NCKAP5: variants seen among roughly 807,000 people sequenced by gnomAD.
The protein encoded by NCKAP5 is NCK associated protein 5.
NCKAP5 carries 92 observed loss-of-function variants against 167.0 expected under a neutral mutation model. That is an observed-to-expected ratio of 0.55 (90% confidence interval 0.47 to 0.66). The LOEUF (loss-of-function observed/expected upper bound fraction) is 0.66. NCKAP5 is among the 30% of genes least tolerant of loss of function. The pLI is 0.00. For missense variants in NCKAP5, 2,378 were observed against 2,315.0 expected, an observed-to-expected ratio of 1.03 and a Z score of -0.56; for synonymous variants, 891 against 877.4, an observed-to-expected ratio of 1.02 and a Z score of -0.27.
At chr2:132,906,397 T>C (rs1694012374) in intron 8 of NCKAP5, among the ~76,000 whole-genome samples, 1 of 152,198 alleles carries the variant, frequency 6.6e-6, no homozygotes, top group Non-Finnish European at 1.5e-5. Flanking sequence ...TGAGAGATTA[T>C]ACTGTAAAGA....
At chr2:132,683,297 A>G (rs1299392755) in intron 19 of NCKAP5, among the ~76,000 whole-genome samples, 1 of 152,204 alleles carries the variant, frequency 6.6e-6, no homozygotes, top group African/African-American at 2.4e-5. Flanking sequence ...TCATTAGCCC[A>G]AATGGATGGA....
intron 8 of NCKAP5, among the ~76,000 whole-genome samples, chr2:132,939,363 GA>G (rs1158655205): frequency 6.6e-6 from 1 of 152,158 alleles, no homozygotes; most frequent in African/African-American, 2.4e-5. Context: ...CACAAGTAAT[GA>G]ATGAAGAACC....
At chr2:133,626,761 T>A in the NCKAP5 span, among the ~76,000 whole-genome samples, 1 of 152,024 alleles carries the variant, frequency 6.6e-6, no homozygotes, top group Non-Finnish European at 1.5e-5. Flanking sequence ...AACAGATAAG[T>A]CTGGGTATTA....
chr2:133,596,421 G>C, the NCKAP5 span: 1 of 152,286 alleles, frequency 6.6e-6, no homozygotes, highest in African/African-American at 2.4e-5. Flanking sequence ...AAGGATGAAG[G>C]TGCAGCACTG....
At chr2:133,516,695 A>G (rs1203212400) in intron 3 of NCKAP5, among the ~76,000 whole-genome samples, 1 of 152,236 alleles carries the variant, frequency 6.6e-6, no homozygotes. Flanking sequence ...CTGAGCATAT[A>G]CAAGTGAATA....
Position 132,865,386 on chromosome 2 carries a change from G to C in NCKAP5, c.687+3550C>G, listed in dbSNP as rs150870888. On this transcript the variant is annotated intron_variant, in intron 10 of 19. Transcript: ENST00000409261. ...TCACTTGAGCCCATTACCAAAGCTA[G>C]TTGACAATCTCAGGATTAAATACTC... Among the ~76,000 whole-genome samples the C allele has an allele frequency of 3.7e-3, 570 of 152,224 alleles. 6 individuals carry two copies. The highest frequency in any genetic ancestry group is 0.013 in the African/African-American group (548 of 41,546).
chr2:133,419,364 T>C (rs978603370), intron 3 of NCKAP5, among the ~76,000 whole-genome samples: 13 of 152,232 alleles, frequency 8.5e-5, no homozygotes, highest in Non-Finnish European at 1.6e-4. Context: ...GGCCACAGAC[T>C]GATCTCTAAT....
At position 133,415,593 on chromosome 2, in the gene NCKAP5, T is replaced by G. The variant is rs1689062527; in HGVS notation, c.69+101865A>C. Among the ~76,000 whole-genome samples the G allele has an allele frequency of 2.6e-5, 4 of 152,240 alleles. No homozygotes were observed. The South Asian group carries it at 8.3e-4, about 31-fold the overall frequency. Reference sequence around the variant, plus strand: ...TCAAAGGAGGCTCTGGCTCTCACTTTGAACAAGTGTGTTTGGTCACCAGGG... The same window carrying G: ...TCAAAGGAGGCTCTGGCTCTCACTTGGAACAAGTGTGTTTGGTCACCAGGG... On this transcript the variant is annotated intron_variant, in intron 3 of 19. Coordinates refer to ENST00000409261, the MANE Select transcript of NCKAP5 (RefSeq NM_207363.3).
chr2:133,499,491 C>G (rs1271295543), intron 3 of NCKAP5, among the ~76,000 whole-genome samples: 1 of 152,154 alleles, frequency 6.6e-6, no homozygotes, highest in Non-Finnish European at 1.5e-5. Context: ...AGCGGGCATA[C>G]CACATAAACC....
intron 3 of NCKAP5, among the ~76,000 whole-genome samples, chr2:133,351,561 T>G (rs1477464403): frequency 6.6e-6 from 1 of 152,168 alleles, no homozygotes; most frequent in African/African-American, 2.4e-5. Context: ...TGGCTAAAGG[T>G]GTTTCAAAGA....
At chr2:132,965,904 T>TG (rs564718652) in intron 7 of NCKAP5, among the ~76,000 whole-genome samples, 1 of 140,870 alleles carries the variant, frequency 7.1e-6, no homozygotes, top group African/African-American at 2.6e-5. Context: ...ACATGACTCT[T>TG]TGTGTGTGTG....
intron 5 of NCKAP5, among the ~76,000 whole-genome samples, chr2:133,158,930 A>G (rs1049575676): frequency 1.3e-5 from 2 of 151,656 alleles, no homozygotes; most frequent in Admixed American, 6.6e-5. Flanking sequence ...TAAGGGCTAC[A>G]GTAGATAGAA....
chr2:132,882,391 A>G (rs1473010735), intron 8 of NCKAP5, among the ~76,000 whole-genome samples: 1 of 152,070 alleles, frequency 6.6e-6, no homozygotes, highest in African/African-American at 2.4e-5. Flanking sequence ...CAAGCCCTAC[A>G]GGATTCTTTC....
intron 19 of NCKAP5, among the ~76,000 whole-genome samples, chr2:132,720,346 T>C (rs191502930): frequency 5.2e-4 from 79 of 152,344 alleles, no homozygotes; most frequent in African/African-American, 1.8e-3. Context: ...CAACTAGACT[T>C]TCTAAACATT....
At chr2:132,949,922 C>T (rs1406383511) in intron 8 of NCKAP5, among the ~76,000 whole-genome samples, 2 of 152,046 alleles carry the variant, frequency 1.3e-5, no homozygotes, top group African/African-American at 4.8e-5. Context: ...AGTGAAACTC[C>T]ATCTCTACCA....
intron 3 of NCKAP5, among the ~76,000 whole-genome samples, chr2:133,427,097 A>G (rs765719285): frequency 6.6e-5 from 10 of 152,210 alleles, no homozygotes; most frequent in African/African-American, 2.4e-4. Flanking sequence ...CAGGCACAAC[A>G]TCAAAACACA....
intron 8 of NCKAP5, among the ~76,000 whole-genome samples, chr2:132,962,622 A>AGTCT (rs2076549137): frequency 6.6e-6 from 1 of 151,956 alleles, no homozygotes; most frequent in African/African-American, 2.4e-5. Flanking sequence ...TGTTTTTTTG[A>AGTCT]GTCTGTCACC....
At chr2:133,257,775 T>C (rs11893946) in intron 4 of NCKAP5, among the ~76,000 whole-genome samples, 3,639 of 152,286 alleles carry the variant, frequency 0.024, 139 homozygotes, top group African/African-American at 0.082. Flanking sequence ...CCCAACATTA[T>C]GTGCTAAAAT....
intron 5 of NCKAP5, among the ~76,000 whole-genome samples, chr2:133,163,423 T>C (rs938898966): frequency 3.9e-5 from 6 of 152,222 alleles, no homozygotes; most frequent in African/African-American, 9.6e-5. Flanking sequence ...TAGAGGCCCA[T>C]AGAAGACGGG....
Sources: gnomAD v4.1 joint callset for allele counts (sites outside exome capture counted in the v4.1 genomes callset) on GRCh38, gnomAD v4.1.1 for gene constraint, MANE v1.5 for transcripts, NCBI Gene and HGNC (gene_info 2026-07-23, HGNC 2026-07-21) for gene names.